The following CR1 variants were observed in gnomAD, a reference collection of about 807,000 sequenced individuals.
The protein encoded by CR1 is complement C3b/C4b receptor 1 (Knops blood group).
CR1 carries 116 observed loss-of-function variants against 187.3 expected under a neutral mutation model. The ratio of observed to expected loss-of-function variants is 0.62; its 90% confidence interval spans 0.53 to 0.72. The LOEUF (loss-of-function observed/expected upper bound fraction) is 0.72. CR1 is among the 30% of genes least tolerant of loss of function. The pLI is 0.00. For missense variants in CR1, 1,731 were observed against 2,110.7 expected, an observed-to-expected ratio of 0.82 and a Z score of 3.52; for synonymous variants, 576 against 747.1, an observed-to-expected ratio of 0.77 and a Z score of 3.73.
intron 46 of CR1, among the ~76,000 whole-genome samples, chr1:207,632,603 C>A (rs921672343): frequency 2.0e-5 from 3 of 151,948 alleles, no homozygotes; most frequent in Non-Finnish European, 4.4e-5. Flanking sequence ...CTGGCTAACA[C>A]GGTGAAACCC....
At chr1:207,577,311 G>T (rs1443881531) in intron 28 of CR1, among the ~76,000 whole-genome samples, 1 of 151,754 alleles carries the variant, frequency 6.6e-6, no homozygotes, top group East Asian at 1.9e-4. Context: ...TACATTTAGT[G>T]AAATAAGGTT....
intron 46 of CR1, among the ~76,000 whole-genome samples, chr1:207,633,952 C>T (rs56388099): frequency 6.6e-5 from 10 of 152,148 alleles, no homozygotes; most frequent in Middle Eastern, 3.4e-3. Flanking sequence ...AAGTGGGGGT[C>T]GCAAGGTGCT....
intron 35 of CR1, chr1:207,606,321 T>C (rs1181804769): frequency 6.6e-6 from 1 of 152,162 alleles, no homozygotes; most frequent in Non-Finnish European, 1.5e-5. Flanking sequence ...TAAGGAAAGG[T>C]GAGAAGTGAA....
chr1:207,621,346 A>G (rs886714376), intron 43 of CR1, among the ~76,000 whole-genome samples: 19 of 152,240 alleles, frequency 1.2e-4, no homozygotes, highest in African/African-American at 4.6e-4. Context: ...GGATGTGATG[A>G]AACTGATATT....
chr1:207,592,379 C>T (rs1421913515), intron 35 of CR1, among the ~76,000 whole-genome samples: 10 of 152,062 alleles, frequency 6.6e-5, no homozygotes, highest in East Asian at 1.9e-4. Flanking sequence ...ACAAGGGCTT[C>T]GATAAAATTC....
In CR1 at chr1:207,619,557, C is replaced by T. The variant is rs1388251068; in HGVS notation, c.7067-323C>T. On this transcript the variant is annotated intron_variant, in intron 42 of 46. Transcript: ENST00000367049. ...AGAATTAACATGGTACTCCTGTTCC[C>T]TCACAGCGTGACCCCAGTGGCTCCA... Among the ~76,000 whole-genome samples, 4 of 152,154 alleles carry T rather than the reference C, an allele frequency of 2.6e-5. No homozygotes were observed. In the East Asian group the frequency reaches 7.7e-4, roughly 29 times the overall value.
chr1:207,580,190 A>G, intron 29 of CR1, 50 bp from the exon 30 acceptor site: 1 of 1,598,126 alleles, frequency 6.3e-7, no homozygotes, highest in Non-Finnish European at 8.5e-7. Flanking sequence ...CAGGAAGCAT[A>G]GGAAATTCCC....
At chr1:207,594,093 C>A (rs1661357052) in intron 35 of CR1, among the ~76,000 whole-genome samples, 1 of 152,070 alleles carries the variant, frequency 6.6e-6, no homozygotes, top group African/African-American at 2.4e-5. Context: ...CCCAGCAATC[C>A]CATTACTGAG....
At chr1:207,505,868 C>T in intron 1 of CR1, 36 bp from the exon 2 acceptor site, 1 of 1,575,414 alleles carries the variant, frequency 6.3e-7, no homozygotes. Flanking sequence ...GTAATTTCTC[C>T]ATTAACTTTG....
intron 35 of CR1, among the ~76,000 whole-genome samples, chr1:207,596,569 G>A (rs1184943028): frequency 6.6e-6 from 1 of 151,908 alleles, no homozygotes; most frequent in Non-Finnish European, 1.5e-5. Context: ...AGCCGAGATG[G>A]TGCCACTGCA....
intron 1 of CR1, 61 bp from the exon 2 acceptor site, chr1:207,505,842 GA>G (rs55717835): frequency 0.029 from 41,713 of 1,423,156 alleles, 644 homozygotes; most frequent in Middle Eastern, 0.067. Flanking sequence ...TCTCAAAAAA[GA>G]AAAAAAAAAG....
intron 46 of CR1, among the ~76,000 whole-genome samples, chr1:207,637,033 T>C (rs1178484481): frequency 6.6e-6 from 1 of 152,236 alleles, no homozygotes; most frequent in East Asian, 1.9e-4. Flanking sequence ...ATAAAATAGC[T>C]TACGATCTCG....
At position 207,566,672 on chromosome 1, in the gene CR1, T is replaced by C. The variant is rs1294790938; in HGVS notation, c.3952+749T>C. Among the ~76,000 whole-genome samples the C allele has an allele frequency of 2.0e-5, 3 of 150,264 alleles. 1 individual carries two copies. The highest frequency in any genetic ancestry group is 7.6e-5 in the African/African-American group (3 of 39,664). ...AAACATGTACCTAAATAATTTATGC[T>C]GAGAGATTCATAAATAATAAGTCAT... On this transcript the variant is annotated intron_variant, in intron 24 of 46. Transcript: ENST00000367049.
intron 34 of CR1, 85 bp downstream of exon 34, chr1:207,587,650 T>A (rs913593368): frequency 7.5e-7 from 1 of 1,340,274 alleles, no homozygotes; most frequent in South Asian, 1.5e-5. Flanking sequence ...TGTAATCCCA[T>A]CACTTTGGGA....
chr1:207,510,622 G>A (rs1430371465), intron 3 of CR1, among the ~76,000 whole-genome samples: 2 of 152,130 alleles, frequency 1.3e-5, no homozygotes, highest in Non-Finnish European at 2.9e-5. Context: ...AACAGTTTGA[G>A]ACATACTAAT....
At chr1:207,638,538 C>T (rs1210557622) in intron 46 of CR1, among the ~76,000 whole-genome samples, 3 of 152,258 alleles carry the variant, frequency 2.0e-5, no homozygotes, top group Admixed American at 6.5e-5. Flanking sequence ...AATGGCCTTA[C>T]ACGCAGGTCT....
At chr1:207,600,183 A>G (rs920884827) in intron 35 of CR1, among the ~76,000 whole-genome samples, 35 of 152,192 alleles carry the variant, frequency 2.3e-4, no homozygotes, top group African/African-American at 8.4e-4. Context: ...TGTGAGCCAT[A>G]GGGTGACAAT....
chr1:207,567,481 G>A lies in CR1; in HGVS notation c.3953-343G>A, dbSNP rs187400068. Among the ~76,000 whole-genome samples the A allele has an allele frequency of 1.8e-4, 27 of 150,392 alleles. No homozygotes were observed. In the East Asian group the frequency reaches 4.8e-3, roughly 27 times the overall value. On this transcript the variant is annotated intron_variant, in intron 24 of 46. Coordinates refer to ENST00000367049, the MANE Select transcript of CR1 (RefSeq NM_000651.6). ...GTCCCCAGGATCCTGATGAAGGGCT[G>A]ACACAGGATAAGTGCTCAATTAATA...
At chr1:207,630,909 T>C (rs186339059) in intron 46 of CR1, among the ~76,000 whole-genome samples, 45 of 152,334 alleles carry the variant, frequency 3.0e-4, no homozygotes, top group Admixed American at 8.5e-4. Flanking sequence ...AGTATGCTTT[T>C]TTCTTGTGGA....
Sources: allele counts gnomAD v4.1 joint callset (sites outside exome capture counted in the v4.1 genomes callset), GRCh38; gene constraint gnomAD v4.1.1; transcripts MANE v1.5; gene names NCBI Gene and HGNC (gene_info 2026-07-23, HGNC 2026-07-21).